Variants in TNKS2 observed in about 807,000 individuals in gnomAD.
The protein encoded by TNKS2 is tankyrase 2, also known as poly [ADP-ribose] polymerase tankyrase-2.
TNKS2 carries 72 observed loss-of-function variants against 137.6 expected under a neutral mutation model. The observed-to-expected ratio is 0.52, with a 90% CI of 0.43 to 0.64. TNKS2 has a LOEUF of 0.64. Ranked by LOEUF, TNKS2 falls within the 30% of genes least tolerant of loss-of-function variation. The pLI is 0.00. For missense variants in TNKS2, 1,049 were observed against 1,410.2 expected (o/e 0.74, Z 4.10); for synonymous variants, 516 against 512.1 (o/e 1.01, Z -0.10).
At position 91,798,627 on chromosome 10, in the gene TNKS2, C is replaced by A; in HGVS notation, c.-64C>A. 1 of 1,209,342 alleles carries A rather than the reference C, an allele frequency of 8.3e-7. No individual in the cohort carries two copies. Among genetic ancestry groups the A allele is most frequent in the Non-Finnish European group, 1.0e-6 (1 of 973,556 alleles). 74.9% of individuals were successfully genotyped at this position (1,209,342 alleles called of 1,614,324 possible). A position where few individuals can be genotyped will look rare whatever the true frequency, so the allele number is the denominator to read the frequency against. On this transcript the variant is annotated 5_prime_UTR_variant, in exon 1 of 27. Coordinates refer to ENST00000371627, the MANE Select transcript of TNKS2 (RefSeq NM_025235.4). ...CTCCGGGGGGCCTCGCCCTCCTGCT[C>A]GCGGGGCCGGGGCTCCTGCTCCGGT...
At chr10:91,800,951 A>G (rs989788445) in intron 1 of TNKS2, among the ~76,000 whole-genome samples, 4 of 152,208 alleles carry the variant, frequency 2.6e-5, no homozygotes, top group East Asian at 3.8e-4. Context: ...TGGAAGTTCA[A>G]CACAGGTGGT....
chr10:91,851,083 G>A (rs1686966351), intron 20 of TNKS2, 133 bp from the exon 21 acceptor site: 2 of 1,219,106 alleles, frequency 1.6e-6, no homozygotes, highest in African/African-American at 1.6e-5. Context: ...TATGCTAAAT[G>A]GAAATAATAT....
intron 22 of TNKS2, 28 bp from the exon 23 acceptor site, chr10:91,855,586 C>G: frequency 6.4e-7 from 1 of 1,567,066 alleles, no homozygotes; most frequent in East Asian, 2.3e-5. Flanking sequence ...TGCTAATGCA[C>G]ATATATTTCA....
Position 91,851,293 on chromosome 10 carries a change from C to A in TNKS2, c.2772C>A (p.His924Gln). ...GAATCAATGCTTATGGACATAGGCA[C>A]AAACTAATTAAAGGAGTCGAGAGAC... ...EIGINAYGHR[H>Q]KLIKGVERLI... The change falls in exon 21 of 27, where the codon CAC (histidine) becomes CAA (glutamine). Residue 924 changes from histidine to glutamine, a missense_variant. Coordinates refer to ENST00000371627, the MANE Select transcript of TNKS2 (RefSeq NM_025235.4). 6.2e-7 allele frequency: 1 copy of A among 1,609,498 alleles called. No homozygotes were observed. The highest frequency in any genetic ancestry group is 8.5e-7 in the Non-Finnish European group (1 of 1,178,966).
rs971234017 is a variant in TNKS2 at position 91,842,510 on chromosome 10, A to T, written c.2059+119A>T. 5.7e-6 allele frequency: 5 copies of T among 881,622 alleles called. No individual in the cohort carries two copies. The Admixed American group carries it at 9.6e-5, about 17-fold the overall frequency. 54.6% of individuals were successfully genotyped at this position (881,622 alleles called of 1,614,324 possible). A position where few individuals can be genotyped will look rare whatever the true frequency, so the allele number is the denominator to read the frequency against. On this transcript the variant is annotated intron_variant, in intron 16 of 26. Transcript: ENST00000371627. ...CAAATCAGGCCAAGCATGGTGGCTC[A>T]CACTTGTAATCCCAACACTTTATGA... is the stretch of plus-strand genomic sequence containing the variant.
At chr10:91,845,674 A>G in intron 17 of TNKS2, 78 bp from the exon 18 acceptor site, 5 of 1,172,262 alleles carry the variant, frequency 4.3e-6, no homozygotes, top group Non-Finnish European at 5.7e-6. Context: ...GGAAGTAGGT[A>G]CGTAACTAGT....
rs186909728 is a variant in TNKS2 at position 91,823,287 on chromosome 10, A to G, written c.795+925A>G. On this transcript the variant is annotated intron_variant, in intron 7 of 26. Transcript: ENST00000371627. The stretch of plus-strand genomic sequence containing the variant: ...AACAAACAGGTTCCCAAGACTAGCA[A>G]GAAACTTTTTTTGTTGTTTTTTTGG... Among the ~76,000 whole-genome samples the G allele has an allele frequency of 1.1e-4, 16 of 151,250 alleles. No individual in the cohort carries two copies. The East Asian group carries it at 3.1e-3, about 29-fold the overall frequency.
rs374979874 is a variant in TNKS2 at position 91,853,855 on chromosome 10, C to G, written c.2816-1174C>G. 2.5e-4 allele frequency among the ~76,000 whole-genome samples: 38 copies of G among 152,278 alleles called. No homozygotes were observed. In the East Asian group the frequency reaches 2.9e-3, roughly 12 times the overall value. On this transcript the variant is annotated intron_variant, in intron 21 of 26. Transcript: ENST00000371627. ...GCTCTTCATCTCCAGAGACAAACTT[C>G]CATGCACTAACCCAGCAGTAAAGGA...
chr10:91,849,917 T>C (rs1182998009), intron 20 of TNKS2, among the ~76,000 whole-genome samples: 1 of 152,224 alleles, frequency 6.6e-6, no homozygotes, highest in Non-Finnish European at 1.5e-5. Flanking sequence ...TATGGGAAGG[T>C]ATATGAATAT....
At chr10:91,856,405 A>G (rs1002524368) in intron 23 of TNKS2, among the ~76,000 whole-genome samples, 4 of 152,220 alleles carry the variant, frequency 2.6e-5, no homozygotes, top group African/African-American at 7.2e-5. Context: ...AACAGTATCA[A>G]ATCTTTCAGC....
chr10:91,851,221 T>C lies in TNKS2; in HGVS notation c.2700T>C (p.Thr900=). Reference sequence around the variant, plus strand: ...GTTTCCTCCTCTTTTGTAAGATCACTTTGGATGTATTAGTTGAGATGGGGC... The same window carrying C: ...GTTTCCTCCTCTTTTGTAAGATCACCTTGGATGTATTAGTTGAGATGGGGC... ...LMDIFEREQI[T]LDVLVEMGHK... The change falls in exon 21 of 27, where the codon ACT becomes ACC. Residue 900 remains threonine, a synonymous_variant. Transcript: ENST00000371627. The C allele has an allele frequency of 1.2e-6, 2 of 1,613,580 alleles. No homozygotes were observed. The highest frequency in any genetic ancestry group is 1.7e-6 in the Non-Finnish European group (2 of 1,179,860).
chr10:91,798,912 C>G (rs1440506097), intron 1 of TNKS2, 23 bp downstream of exon 1: 1 of 1,373,822 alleles, frequency 7.3e-7, no homozygotes, highest in South Asian at 1.7e-5. Flanking sequence ...AGCGTCCCCT[C>G]GCCTCGCTCC....
intron 15 of TNKS2, among the ~76,000 whole-genome samples, chr10:91,841,852 A>G (rs1842217385): frequency 6.6e-6 from 1 of 152,160 alleles, no homozygotes; most frequent in South Asian, 2.1e-4. Context: ...AGAGATTTAT[A>G]CTTTATTTAA....
At chr10:91,841,523 A>C in intron 15 of TNKS2, 75 bp downstream of exon 15, 1 of 1,243,870 alleles carries the variant, frequency 8.0e-7, no homozygotes, top group Non-Finnish European at 1.1e-6. Flanking sequence ...TAATTCTAGT[A>C]TAAAGTTAAA....
Position 91,834,092 on chromosome 10 carries a change from T to C in TNKS2, c.1447+68T>C, listed in dbSNP as rs898956235. On this transcript the variant is annotated intron_variant, in intron 12 of 26. Coordinates refer to ENST00000371627, the MANE Select transcript of TNKS2 (RefSeq NM_025235.4). Reference sequence around the variant, plus strand: ...TTAAAAATTTTTCACATATCAGGTATTATAGGTAGGAGTTGGTAATAAGAA... The same window carrying C: ...TTAAAAATTTTTCACATATCAGGTACTATAGGTAGGAGTTGGTAATAAGAA... 6 of 1,328,832 alleles carry C rather than the reference T, an allele frequency of 4.5e-6. No homozygotes were observed. The African/African-American group carries it at 7.4e-5, about 16-fold the overall frequency. The allele number at this position is 1,328,832 out of a possible 1,614,324, so 82.3% of individuals were successfully genotyped here.
chr10:91,836,290 A>G (rs961102677), intron 12 of TNKS2, among the ~76,000 whole-genome samples: 15 of 151,956 alleles, frequency 9.9e-5, no homozygotes, highest in Admixed American at 4.6e-4. Context: ...CCATGTTATG[A>G]AAATATTCCC....
At chr10:91,827,561 T>C (rs1845106768) in intron 8 of TNKS2, among the ~76,000 whole-genome samples, 1 of 152,156 alleles carries the variant, frequency 6.6e-6, no homozygotes, top group Non-Finnish European at 1.5e-5. Context: ...CTTCATAAGA[T>C]TGCCATCTTG....
At chr10:91,798,917 C>T (rs910631483) in intron 1 of TNKS2, 28 bp downstream of exon 1, 13 of 1,344,066 alleles carry the variant, frequency 9.7e-6, no homozygotes, top group African/African-American at 3.0e-5. Flanking sequence ...CCCCTCGCCT[C>T]GCTCCAGACC....
intron 18 of TNKS2, 55 bp downstream of exon 18, chr10:91,845,995 A>G (rs1589685139): frequency 7.1e-7 from 1 of 1,399,572 alleles, no homozygotes; most frequent in Non-Finnish European, 9.5e-7. Context: ...GTTAAAATTC[A>G]CTTGATGTTA....
Sources: allele counts gnomAD v4.1 joint callset (sites outside exome capture counted in the v4.1 genomes callset), GRCh38; gene constraint gnomAD v4.1.1; transcripts MANE v1.5; gene names NCBI Gene and HGNC (gene_info 2026-07-23, HGNC 2026-07-21).